SORCS3: variants seen among roughly 807,000 people sequenced by gnomAD.
SORCS3 encodes the protein VPS10 domain-containing receptor SorCS3.
Under a neutral mutation model 146.3 loss-of-function variants are expected in SORCS3, and 57 were observed. The observed-to-expected ratio is 0.39, with a 90% CI of 0.31 to 0.49. SORCS3 has a LOEUF of 0.49. SORCS3 is among the 20% of genes least tolerant of loss of function. The pLI, the probability that SORCS3 is intolerant of heterozygous loss-of-function variation, is 0.92. For synonymous variants in SORCS3, 653 were observed against 618.5 expected (o/e 1.06, Z -0.83); for missense variants, 1,341 against 1,575.5 (o/e 0.85, Z 2.52).
chr10:105,099,261 G>C (rs897171077), intron 6 of SORCS3, among the ~76,000 whole-genome samples: 1 of 152,074 alleles, frequency 6.6e-6, no homozygotes, highest in Non-Finnish European at 1.5e-5. Context: ...AACAGCTCAC[G>C]GGTATTTCTC....
At chr10:105,037,863 G>C (rs1019154644) in intron 4 of SORCS3, among the ~76,000 whole-genome samples, 1 of 152,096 alleles carries the variant, frequency 6.6e-6, no homozygotes, top group Admixed American at 6.6e-5. Flanking sequence ...AGGCTTTCCG[G>C]GTACAGTCTT....
At chr10:104,727,351 T>A (rs1294240448) in intron 1 of SORCS3, among the ~76,000 whole-genome samples, 24 of 152,154 alleles carry the variant, frequency 1.6e-4, no homozygotes, top group Non-Finnish European at 1.5e-5. Context: ...CATACATATA[T>A]CTCTTGTAAA....
intron 5 of SORCS3, among the ~76,000 whole-genome samples, chr10:105,065,398 G>T (rs986584401): frequency 7.2e-6 from 1 of 138,364 alleles, no homozygotes; most frequent in African/African-American, 3.2e-5. Flanking sequence ...ATATTTTATT[G>T]CATTTACAAA....
intron 14 of SORCS3, among the ~76,000 whole-genome samples, chr10:105,191,872 G>T (rs1476428825): frequency 6.6e-6 from 1 of 152,168 alleles, no homozygotes; most frequent in African/African-American, 2.4e-5. Context: ...ACCTCCTGCT[G>T]TGCGGCCCTG....
intron 1 of SORCS3, among the ~76,000 whole-genome samples, chr10:104,802,747 T>C (rs896387056): frequency 7.2e-5 from 11 of 152,202 alleles, no homozygotes; most frequent in African/African-American, 2.7e-4. Context: ...ATTCTGGTAG[T>C]GGGGCCTGGA....
At chr10:104,834,431 T>C (rs1263149049) in intron 1 of SORCS3, among the ~76,000 whole-genome samples, 1 of 152,150 alleles carries the variant, frequency 6.6e-6, no homozygotes, top group Non-Finnish European at 1.5e-5. Context: ...CTGCTGCTGC[T>C]TCTGCCTGAC....
intron 1 of SORCS3, among the ~76,000 whole-genome samples, chr10:104,713,246 T>G (rs1325786344): frequency 6.6e-6 from 1 of 152,128 alleles, no homozygotes; most frequent in African/African-American, 2.4e-5. Flanking sequence ...TCATCTGTGC[T>G]CTTCCCAACA....
At chr10:104,718,130 A>G (rs2016500461) in intron 1 of SORCS3, among the ~76,000 whole-genome samples, 1 of 152,162 alleles carries the variant, frequency 6.6e-6, no homozygotes, top group Non-Finnish European at 1.5e-5. Flanking sequence ...TGAGCGACAG[A>G]GTGAGACTCC....
chr10:104,958,713 G>A (rs980923170), intron 3 of SORCS3, among the ~76,000 whole-genome samples: 1 of 152,086 alleles, frequency 6.6e-6, no homozygotes, highest in South Asian at 2.1e-4. Context: ...AAAACTACCA[G>A]TAATTTATAA....
chr10:104,794,622 G>GGAGGGAGA (rs1481811209), intron 1 of SORCS3, among the ~76,000 whole-genome samples: 66 of 41,390 alleles, frequency 1.6e-3, no homozygotes, highest in African/African-American at 7.1e-3. Context: ...AGAGAGGGAG[G>GGAGGGAGA]GAGAGAGAGA....
chr10:105,115,414 T>C (rs557296977), intron 7 of SORCS3, among the ~76,000 whole-genome samples: 1 of 152,314 alleles, frequency 6.6e-6, no homozygotes, highest in South Asian at 2.1e-4. Flanking sequence ...CATCCTCTTT[T>C]AAGGATTTTT....
rs188454835 is a variant in SORCS3 at position 104,867,349 on chromosome 10, G to A, written c.695+24490G>A. Reference sequence around the variant, plus strand: ...TTTTGAGACGAAGTCTCGCTCTGTCGCCCAGGCTGGAGTGCAGTGGCGAGA... The same window carrying A: ...TTTTGAGACGAAGTCTCGCTCTGTCACCCAGGCTGGAGTGCAGTGGCGAGA... On this transcript the variant is annotated intron_variant, in intron 2 of 26. Coordinates refer to ENST00000369701, the MANE Select transcript of SORCS3 (RefSeq NM_014978.3). 9.6e-4 allele frequency among the ~76,000 whole-genome samples: 142 copies of A among 147,322 alleles called. 6 individuals carry two copies. In the South Asian group the frequency reaches 0.024, roughly 25 times the overall value.
intron 24 of SORCS3, 79 bp from the exon 25 acceptor site, chr10:105,256,740 C>G (rs905399011): frequency 6.6e-6 from 7 of 1,062,226 alleles, no homozygotes; most frequent in Non-Finnish European, 1.0e-5. Context: ...GGCCTCCTTC[C>G]TGCAATGAAT....
intron 1 of SORCS3, among the ~76,000 whole-genome samples, chr10:104,704,861 T>C (rs1046938582): frequency 1.3e-5 from 2 of 152,166 alleles, no homozygotes; most frequent in African/African-American, 2.4e-5. Context: ...TTTTGGTGCT[T>C]GGCCTACTCT....
intron 1 of SORCS3, among the ~76,000 whole-genome samples, chr10:104,796,098 C>T (rs1012546557): frequency 6.6e-6 from 1 of 152,190 alleles, no homozygotes; most frequent in South Asian, 2.1e-4. Flanking sequence ...ATATGAAAGT[C>T]CTCAAAGAGG....
intron 2 of SORCS3, among the ~76,000 whole-genome samples, chr10:104,886,087 G>A (rs1330221842): frequency 6.6e-6 from 1 of 152,186 alleles, no homozygotes; most frequent in Non-Finnish European, 1.5e-5. Flanking sequence ...GATAGCAGCT[G>A]CAGGAGGATT....
At chr10:104,803,342 ACT>A (rs1037483736) in intron 1 of SORCS3, among the ~76,000 whole-genome samples, 5 of 151,940 alleles carry the variant, frequency 3.3e-5, no homozygotes, top group Non-Finnish European at 5.9e-5. Flanking sequence ...AGATCCCAAG[ACT>A]CTGTTAAGTC....
chr10:104,975,129 T>G (rs1035547041), intron 3 of SORCS3, among the ~76,000 whole-genome samples: 1 of 151,702 alleles, frequency 6.6e-6, no homozygotes, highest in South Asian at 2.1e-4. Context: ...TGTCCTTGTT[T>G]GCAGATGACA....
intron 20 of SORCS3, among the ~76,000 whole-genome samples, chr10:105,242,657 C>CATTTATATAT (rs1197017462): frequency 2.0e-4 from 13 of 65,612 alleles, no homozygotes; most frequent in African/African-American, 6.4e-4. Context: ...TATTTATATA[C>CATTTATATAT]ATTTATATAT....
Sources: allele counts gnomAD v4.1 joint callset (sites outside exome capture counted in the v4.1 genomes callset), GRCh38; gene constraint gnomAD v4.1.1; transcripts MANE v1.5; gene names NCBI Gene and HGNC (gene_info 2026-07-23, HGNC 2026-07-21).